The following CAMTA1 variants were observed in gnomAD, a reference collection of about 807,000 sequenced individuals.
CAMTA1 encodes the protein calmodulin-binding transcription activator 1.
Under a neutral mutation model 170.9 loss-of-function variants are expected in CAMTA1, and 27 were observed. The observed-to-expected ratio is 0.16, with a 90% CI of 0.12 to 0.22. The LOEUF is 0.22. CAMTA1 is among the 10% of genes least tolerant of loss of function. CAMTA1 has a pLI of 1.00. For missense variants in CAMTA1, 1,619 were observed against 2,217.2 expected, an observed-to-expected ratio of 0.73 and a Z score of 5.42; for synonymous variants, 833 against 891.5, an observed-to-expected ratio of 0.93 and a Z score of 1.17.
rs1706202799 is a variant in CAMTA1, at chr1:7,050,712, G to GT, written c.235-40591dup. On this transcript the variant is annotated intron_variant, in intron 3 of 22. Coordinates refer to ENST00000303635, the MANE Select transcript of CAMTA1 (RefSeq NM_015215.4). This position sits in a 1 kb window ranked among gnomAD's most constrained non-coding sequence, Gnocchi z 4.8. ...TTGTGGAGGCAATGGTGGGGGTAGG[G>GT]TGGGTGGAGGAGAGAGTATGGTGGG... Among the ~76,000 whole-genome samples, 1 of 152,066 alleles carries GT rather than the reference G, an allele frequency of 6.6e-6. No individual in the cohort carries two copies. Among genetic ancestry groups the GT allele is most frequent in the African/African-American group, 2.4e-5 (1 of 41,368 alleles).
intron 5 of CAMTA1, among the ~76,000 whole-genome samples, chr1:7,450,586 C>T (rs2092799790): frequency 6.6e-6 from 1 of 152,248 alleles, no homozygotes; most frequent in Non-Finnish European, 1.5e-5. Flanking sequence ...CCACCGCCTG[C>T]CCGCTCTGCC....
intron 11 of CAMTA1, among the ~76,000 whole-genome samples, chr1:7,716,072 G>T (rs1380153453): frequency 1.3e-5 from 2 of 152,132 alleles, no homozygotes; most frequent in Non-Finnish European, 2.9e-5. Context: ...TCACTCTGTT[G>T]CCCGGGCTGG....
chr1:6,974,138 G>C (rs996795959), intron 3 of CAMTA1, among the ~76,000 whole-genome samples: 2 of 140,962 alleles, frequency 1.4e-5, no homozygotes, highest in Non-Finnish European at 3.1e-5. Context: ...GGGCTGCTCT[G>C]GTTTGTAATA....
chr1:7,613,216 T>A (rs977894087), intron 6 of CAMTA1, among the ~76,000 whole-genome samples: 2 of 152,190 alleles, frequency 1.3e-5, no homozygotes, highest in African/African-American at 4.8e-5. Flanking sequence ...AGTTGGCAAG[T>A]CGCCTTGGAA....
Position 7,125,997 on chromosome 1 carries a change from G to A in CAMTA1, c.302+34626G>A, listed in dbSNP as rs898777283. Among the ~76,000 whole-genome samples, 9 of 152,168 alleles carry A rather than the reference G, an allele frequency of 5.9e-5. No homozygotes were observed. In the East Asian group the frequency reaches 1.7e-3, roughly 29 times the overall value. On this transcript the variant is annotated intron_variant, in intron 4 of 22. Coordinates refer to ENST00000303635, the MANE Select transcript of CAMTA1 (RefSeq NM_015215.4). ...CTGACAGTTCCACATGGCTGGGGAGGCCTCAAACTCACAGTCATGGCAGAA... is the reference window on the plus strand; with the variant it reads ...CTGACAGTTCCACATGGCTGGGGAGACCTCAAACTCACAGTCATGGCAGAA...
At chr1:7,367,652 A>G (rs1333025415) in intron 5 of CAMTA1, among the ~76,000 whole-genome samples, 1 of 152,256 alleles carries the variant, frequency 6.6e-6, no homozygotes, top group Non-Finnish European at 1.5e-5. Flanking sequence ...TACTCCTGGG[A>G]CATTACAAGA....
At chr1:7,538,488 A>G (rs74437101) in intron 6 of CAMTA1, among the ~76,000 whole-genome samples, 5,206 of 152,292 alleles carry the variant, frequency 0.034, 301 homozygotes, top group African/African-American at 0.12. Flanking sequence ...CGTCTCTACT[A>G]AAAAGAAATA....
intron 5 of CAMTA1, among the ~76,000 whole-genome samples, chr1:7,398,193 C>CTCTCTCTCTATATATATA (rs1557651862): frequency 5.9e-5 from 1 of 16,900 alleles, no homozygotes; most frequent in Non-Finnish European, 1.1e-4. Flanking sequence ...CTCTCTCTCT[C>CTCTCTCTCTATATATATA]TATATATATA....
At chr1:7,054,128 G>A (rs1187177421) in intron 3 of CAMTA1, among the ~76,000 whole-genome samples, 1 of 152,202 alleles carries the variant, frequency 6.6e-6, no homozygotes, top group Non-Finnish European at 1.5e-5. Context: ...ACAAACAGGG[G>A]TCCCCTGGGC....
intron 4 of CAMTA1, among the ~76,000 whole-genome samples, chr1:7,121,073 A>G (rs1180065432): frequency 6.6e-5 from 10 of 152,234 alleles, no homozygotes; most frequent in Non-Finnish European, 1.5e-5. Flanking sequence ...CCTGGTGGCC[A>G]CAAATGGAGG....
At chr1:7,624,345 G>A (rs2095619146) in intron 6 of CAMTA1, among the ~76,000 whole-genome samples, 3 of 151,874 alleles carry the variant, frequency 2.0e-5, no homozygotes, top group Admixed American at 2.0e-4. Flanking sequence ...CATGGTTCCA[G>A]TGCAGAATTC....
At chr1:7,544,280 C>T (rs1172635712) in intron 6 of CAMTA1, among the ~76,000 whole-genome samples, 1 of 152,210 alleles carries the variant, frequency 6.6e-6, no homozygotes, top group African/African-American at 2.4e-5. Context: ...GACTTTTTCA[C>T]TACCACGAGA....
intron 11 of CAMTA1, among the ~76,000 whole-genome samples, chr1:7,730,261 C>T (rs930186637): frequency 1.3e-5 from 2 of 152,204 alleles, no homozygotes; most frequent in African/African-American, 4.8e-5. Flanking sequence ...CAGCCATTCA[C>T]TGGTCTGACT....
At chr1:7,140,617 T>A (rs961774484) in intron 4 of CAMTA1, among the ~76,000 whole-genome samples, 9 of 152,158 alleles carry the variant, frequency 5.9e-5, no homozygotes, top group African/African-American at 1.7e-4. Context: ...ATCTACTGTT[T>A]GTCAAACTCA....
chr1:6,993,635 A>C (rs1307046317), intron 3 of CAMTA1, among the ~76,000 whole-genome samples: 1 of 152,042 alleles, frequency 6.6e-6, no homozygotes, highest in Non-Finnish European at 1.5e-5. Context: ...TACTTCTGGT[A>C]AACTGTTTGT....
chr1:7,733,740 G>A (rs2096750780), intron 12 of CAMTA1, among the ~76,000 whole-genome samples: 1 of 151,988 alleles, frequency 6.6e-6, no homozygotes. Context: ...ACACAGTTAA[G>A]TTTTTAGGTG....
intron 3 of CAMTA1, among the ~76,000 whole-genome samples, chr1:6,999,184 C>A (rs1435524587): frequency 6.6e-6 from 1 of 152,130 alleles, no homozygotes; most frequent in Non-Finnish European, 1.5e-5. Context: ...ATTTTGAATT[C>A]TTGTTCTGGT....
intron 6 of CAMTA1, among the ~76,000 whole-genome samples, chr1:7,600,494 T>TTC (rs1302375792): frequency 4.0e-5 from 6 of 151,058 alleles, no homozygotes; most frequent in Non-Finnish European, 8.9e-5. Flanking sequence ...TCTTTTTCTT[T>TTC]TTTTTTTTTT....
chr1:7,427,769 G>A (rs114241174), intron 5 of CAMTA1, among the ~76,000 whole-genome samples: 1,868 of 152,310 alleles, frequency 0.012, 45 homozygotes, highest in African/African-American at 0.041. Flanking sequence ...GGGACGAGGC[G>A]CAATCCCAGC....
Sources: allele counts gnomAD v4.1 joint callset (sites outside exome capture counted in the v4.1 genomes callset), GRCh38; gene constraint gnomAD v4.1.1; non-coding constraint Gnocchi (gnomAD v3.1); transcripts MANE v1.5; gene names NCBI Gene and HGNC (gene_info 2026-07-23, HGNC 2026-07-21).